Variants in TLE1 observed in about 807,000 individuals in gnomAD.
TLE1 encodes the protein transducin-like enhancer protein 1.
Under a neutral mutation model 89.8 loss-of-function variants are expected in TLE1, and 21 were observed. The ratio of observed to expected loss-of-function variants is 0.23; its 90% CI spans 0.17 to 0.34. TLE1 has a LOEUF of 0.34. TLE1 is among the 10% of genes least tolerant of loss of function. The probability of loss-of-function intolerance (pLI) is 1.00; values close to 1 mark genes in which losing one functional copy is unlikely to be tolerated. For missense variants in TLE1, 795 were observed against 1,031.2 expected (o/e 0.77, Z 3.14); for synonymous variants, 447 against 407.6 (o/e 1.10, Z -1.16).
intron 14 of TLE1, among the ~76,000 whole-genome samples, chr9:81,609,501 A>G (rs1011129387): frequency 1.3e-5 from 2 of 152,228 alleles, no homozygotes; most frequent in African/African-American, 4.8e-5. Context: ...TTGAAATCAC[A>G]CTTCTAATTA....
chr9:81,634,120 T>C lies in TLE1; in HGVS notation c.554A>G (p.His185Arg), dbSNP rs1564001747. 1 of 1,609,380 alleles carries C rather than the reference T, an allele frequency of 6.2e-7. No individual in the cohort carries two copies. The highest frequency in any genetic ancestry group is 8.5e-7 in the Non-Finnish European group (1 of 1,177,532). Residue 185 changes from histidine (H) to arginine (R), a missense_variant, in exon 7 of 20, where the codon CAC becomes CGC. By Grantham distance (29) the His-to-Arg change is conservative (BLOSUM62 0). Transcript: ENST00000376499. ...SHLAIKDDKK[H>R]HDAEHHRDRE... ...ACCTCTGTGGTGCTCTGCATCGTGG[T>C]GCTTCTTGTCATCTTTTATTGCCAA...
intron 2 of TLE1, among the ~76,000 whole-genome samples, chr9:81,686,595 T>C (rs1834310928): frequency 6.6e-6 from 1 of 152,238 alleles, no homozygotes; most frequent in Non-Finnish European, 1.5e-5. Context: ...GCAAAAAATG[T>C]CAATACAGTT....
chr9:81,602,456 G>C (rs888703156), intron 14 of TLE1, among the ~76,000 whole-genome samples: 23 of 152,114 alleles, frequency 1.5e-4, no homozygotes, highest in Non-Finnish European at 5.9e-5. Context: ...ATTCATTTCT[G>C]TTTCATACAG....
chr9:81,612,514 G>GT (rs1248924063), intron 12 of TLE1: 3 of 235,498 alleles, frequency 1.3e-5, no homozygotes, highest in Non-Finnish European at 2.1e-5. Context: ...CAAATTATGA[G>GT]TTTTTTAAGG....
intron 6 of TLE1, among the ~76,000 whole-genome samples, chr9:81,637,044 CCCATAAATCCAAGCTAGCTT>C (rs1402860408): frequency 1.3e-5 from 2 of 151,612 alleles, no homozygotes; most frequent in Non-Finnish European, 2.9e-5. Context: ...GATTTCCCCT[CCCATAAATCCAAGCTAGCTT>C]TCAGAAAGAT....
chr9:81,633,679 G>A (rs1826999960), intron 7 of TLE1: 2 of 485,508 alleles, frequency 4.1e-6, no homozygotes, highest in Non-Finnish European at 7.3e-6. Flanking sequence ...TAGAATTAAA[G>A]CCTATGAAAC....
At chr9:81,616,556 G>A (rs916712820) in intron 10 of TLE1, 90 bp downstream of exon 10, 24 of 1,400,476 alleles carry the variant, frequency 1.7e-5, no homozygotes, top group Non-Finnish European at 2.4e-5. Context: ...CCCCACCGAG[G>A]GGCTCTACTT....
chr9:81,600,022 A>G, intron 14 of TLE1: 1 of 674,670 alleles, frequency 1.5e-6, no homozygotes, highest in Non-Finnish European at 2.7e-6. Flanking sequence ...TTCCAGCCAA[A>G]GTCAACATTT....
chr9:81,615,966 A>G lies in TLE1; in HGVS notation c.918+16T>C. 2.5e-6 allele frequency: 4 copies of G among 1,612,990 alleles called. No individual in the cohort carries two copies. In the South Asian group the frequency reaches 4.4e-5, roughly 18 times the overall value. The stretch of plus-strand genomic sequence containing the variant: ...ATACACTGCCAAACAGGCAAGTGTC[A>G]GTTTTCTTTACCTACCAAGCTCATT... On this transcript the variant is annotated intron_variant, in intron 11 of 19. Transcript: ENST00000376499.
intron 4 of TLE1, among the ~76,000 whole-genome samples, chr9:81,670,875 G>T (rs1832137513): frequency 6.6e-6 from 1 of 152,102 alleles, no homozygotes; most frequent in Non-Finnish European, 1.5e-5. Flanking sequence ...AATTAGTCAA[G>T]AAATAAGGAT....
At position 81,688,432 on chromosome 9, in the gene TLE1, G is replaced by C. The variant is rs1182202771; in HGVS notation, c.-192C>G. On this transcript the variant is annotated 5_prime_UTR_variant, in exon 1 of 20. Coordinates refer to ENST00000376499, the MANE Select transcript of TLE1 (RefSeq NM_005077.5). Reference sequence around the variant, plus strand: ...AGCTGCTCCGGCTCCCGCTCCCGTCGGTGCGGGCTCCGGCCCTCAGGGCCA... The same window carrying C: ...AGCTGCTCCGGCTCCCGCTCCCGTCCGTGCGGGCTCCGGCCCTCAGGGCCA... 2 of 556,592 alleles carry C rather than the reference G, an allele frequency of 3.6e-6. No individual in the cohort carries two copies. Among genetic ancestry groups the C allele is most frequent in the Non-Finnish European group, 5.9e-6 (2 of 337,908 alleles). The allele number at this position is 556,592 out of a possible 1,614,324, so 34.5% of individuals were successfully genotyped here. A position where few individuals can be genotyped will look rare whatever the true frequency, so the allele number is the denominator to read the frequency against.
At chr9:81,605,521 GAAC>G (rs1449564312) in intron 14 of TLE1, among the ~76,000 whole-genome samples, 3 of 152,088 alleles carry the variant, frequency 2.0e-5, no homozygotes, top group African/African-American at 2.4e-5. Flanking sequence ...TAAATAGTAA[GAAC>G]AACAAGTCCT....
At chr9:81,670,939 C>T (rs1759335974) in intron 4 of TLE1, among the ~76,000 whole-genome samples, 1 of 151,664 alleles carries the variant, frequency 6.6e-6, no homozygotes, top group South Asian at 2.1e-4. Flanking sequence ...GAGGCCGAGG[C>T]AGATGGATCA....
intron 6 of TLE1, among the ~76,000 whole-genome samples, chr9:81,650,942 C>G (rs993680465): frequency 3.9e-5 from 6 of 152,206 alleles, no homozygotes; most frequent in African/African-American, 1.4e-4. Flanking sequence ...AACTGCAGAT[C>G]TGCAATTGAG....
At chr9:81,636,787 G>A (rs1037034889) in intron 6 of TLE1, among the ~76,000 whole-genome samples, 1 of 151,930 alleles carries the variant, frequency 6.6e-6, no homozygotes, top group Non-Finnish European at 1.5e-5. Flanking sequence ...AGTGGATCAC[G>A]AGGTCAGGAG....
chr9:81,657,927 T>TTA (rs1323724108), intron 4 of TLE1, among the ~76,000 whole-genome samples: 4 of 144,392 alleles, frequency 2.8e-5, no homozygotes, highest in African/African-American at 1.0e-4. Context: ...TTTTTTTTTT[T>TTA]AAGACAGAGT....
chr9:81,688,206 C>A lies in TLE1; in HGVS notation c.24+11G>T. 2 of 1,597,882 alleles carry A rather than the reference C, an allele frequency of 1.3e-6. No individual in the cohort carries two copies. Among genetic ancestry groups the A allele is most frequent in the Non-Finnish European group, 1.7e-6 (2 of 1,172,222 alleles). On this transcript the variant is annotated intron_variant, in intron 1 of 19. Coordinates refer to ENST00000376499, the MANE Select transcript of TLE1 (RefSeq NM_005077.5). ...ATCCTGGCCCCCCACCACCACCCAGCCGCGCCTCACCGGGTGCCGGCTCTG... is the reference window on the plus strand; with the variant it reads ...ATCCTGGCCCCCCACCACCACCCAGACGCGCCTCACCGGGTGCCGGCTCTG...
intron 4 of TLE1, among the ~76,000 whole-genome samples, chr9:81,669,565 TCTC>T (rs772061367): frequency 3.0e-4 from 46 of 152,056 alleles, no homozygotes; most frequent in Non-Finnish European, 4.7e-4. Flanking sequence ...TGTGCCAAAA[TCTC>T]CTCACTTGTA....
chr9:81,623,784 T>C (rs1825581858), intron 8 of TLE1, among the ~76,000 whole-genome samples: 1 of 151,948 alleles, frequency 6.6e-6, no homozygotes, highest in Non-Finnish European at 1.5e-5. Context: ...AGTGAGACTC[T>C]GCCTCAAAAA....
Sources: allele counts gnomAD v4.1 joint callset (sites outside exome capture counted in the v4.1 genomes callset), GRCh38; gene constraint gnomAD v4.1.1; transcripts MANE v1.5; gene names NCBI Gene and HGNC (gene_info 2026-07-23, HGNC 2026-07-21).